Variants in LPAR1 observed in about 807,000 individuals in gnomAD.
LPAR1 encodes lysophosphatidic acid receptor 1, also known as LPA receptor 1.
LPAR1 carries 5 observed loss-of-function variants against 23.8 expected under a neutral mutation model. The ratio of observed to expected loss-of-function variants is 0.21; its 90% CI spans 0.11 to 0.44. The LOEUF is 0.44. Ranked by LOEUF, LPAR1 falls within the 20% of genes least tolerant of loss-of-function variation. The pLI is 0.99. For missense variants in LPAR1, 311 were observed against 482.8 expected, an observed-to-expected ratio of 0.64 and a Z score of 3.33; for synonymous variants, 160 against 164.7, an observed-to-expected ratio of 0.97 and a Z score of 0.22.
chr9:110,985,102 T>A (rs1460801083), intron 2 of LPAR1, among the ~76,000 whole-genome samples: 1 of 152,112 alleles, frequency 6.6e-6, no homozygotes, highest in Admixed American at 6.6e-5. Flanking sequence ...TCAGCTGGGA[T>A]GAAGGAGGCT....
chr9:111,023,310 T>G (rs1333592315), intron 2 of LPAR1, among the ~76,000 whole-genome samples: 2 of 152,122 alleles, frequency 1.3e-5, no homozygotes, highest in African/African-American at 4.8e-5. Flanking sequence ...TCTGTTACTA[T>G]TTCTTCCATG....
chr9:110,930,909 C>G (rs2094371621), intron 5 of LPAR1, among the ~76,000 whole-genome samples: 1 of 152,022 alleles, frequency 6.6e-6, no homozygotes, highest in South Asian at 2.1e-4. Flanking sequence ...GAGCGAAATT[C>G]CGTCACAAAA....
intron 5 of LPAR1, among the ~76,000 whole-genome samples, chr9:110,938,366 G>C (rs981762840): frequency 6.6e-6 from 1 of 152,062 alleles, no homozygotes; most frequent in Non-Finnish European, 1.5e-5. Flanking sequence ...ATCAAAACAG[G>C]ATGTAGCAAA....
At chr9:110,990,805 C>T (rs2096878666) in intron 2 of LPAR1, among the ~76,000 whole-genome samples, 1 of 151,962 alleles carries the variant, frequency 6.6e-6, no homozygotes, top group Non-Finnish European at 1.5e-5. Context: ...AACATCAATA[C>T]AATTGCTAAC....
At chr9:110,959,206 A>G (rs1298961650) in intron 4 of LPAR1, among the ~76,000 whole-genome samples, 1 of 150,490 alleles carries the variant, frequency 6.6e-6, no homozygotes, top group Non-Finnish European at 1.5e-5. Flanking sequence ...CAGACATTCC[A>G]TATGATCTAG....
chr9:110,944,599 A>G (rs2095306245), intron 4 of LPAR1, among the ~76,000 whole-genome samples: 1 of 152,198 alleles, frequency 6.6e-6, no homozygotes, highest in South Asian at 2.1e-4. Flanking sequence ...AACAAAGTTA[A>G]GCAGAGATAT....
At chr9:110,954,985 C>A (rs2095689911) in intron 4 of LPAR1, among the ~76,000 whole-genome samples, 1 of 151,776 alleles carries the variant, frequency 6.6e-6, no homozygotes, top group South Asian at 2.1e-4. Flanking sequence ...CTAAAGAAAA[C>A]CACAAAACCA....
At chr9:110,898,685 C>G (rs2087416824) in intron 5 of LPAR1, among the ~76,000 whole-genome samples, 1 of 152,194 alleles carries the variant, frequency 6.6e-6, no homozygotes, top group Non-Finnish European at 1.5e-5. Flanking sequence ...TGACTAGCAC[C>G]AACTTCTCTA....
chr9:110,947,177 G>C (rs1406742940), intron 4 of LPAR1, among the ~76,000 whole-genome samples: 1 of 152,054 alleles, frequency 6.6e-6, no homozygotes, highest in Admixed American at 6.6e-5. Flanking sequence ...CATATTTATT[G>C]CAAGAAATTT....
intron 5 of LPAR1, among the ~76,000 whole-genome samples, chr9:110,930,080 C>T (rs2094304935): frequency 6.6e-6 from 1 of 152,168 alleles, no homozygotes; most frequent in Admixed American, 6.5e-5. Context: ...GACTGTAAAA[C>T]ACCATAGAAA....
intron 2 of LPAR1, among the ~76,000 whole-genome samples, chr9:111,023,013 T>C (rs923241060): frequency 2.3e-5 from 3 of 131,656 alleles, no homozygotes; most frequent in South Asian, 2.3e-4. Flanking sequence ...ATCGCGCCAC[T>C]GCACTCCAGC....
At chr9:110,907,234 G>A (rs1250966109) in intron 5 of LPAR1, among the ~76,000 whole-genome samples, 2 of 152,104 alleles carry the variant, frequency 1.3e-5, no homozygotes, top group Admixed American at 6.6e-5. Context: ...AATCAAGAGA[G>A]GAACAGAGAG....
chr9:110,892,281 CAGAG>C (rs2084455961), intron 5 of LPAR1, among the ~76,000 whole-genome samples: 1 of 152,100 alleles, frequency 6.6e-6, no homozygotes, highest in African/African-American at 2.4e-5. Flanking sequence ...GAGAGAATGA[CAGAG>C]AGAGAGAATG....
chr9:110,894,981 G>A lies in LPAR1; in HGVS notation c.794-19259C>T, dbSNP rs528847676. On this transcript the variant is annotated intron_variant, in intron 5 of 5. Transcript: ENST00000683809. Reference sequence around the variant, plus strand: ...TGCAGTGAGTTATGATTGCACCACCGCACTCCAGCCTGGATGACAAAGCAA... The same window carrying A: ...TGCAGTGAGTTATGATTGCACCACCACACTCCAGCCTGGATGACAAAGCAA... Among the ~76,000 whole-genome samples, 8 of 152,190 alleles carry A rather than the reference G, an allele frequency of 5.3e-5. No individual in the cohort carries two copies. The South Asian group carries it at 1.2e-3, about 24-fold the overall frequency.
At chr9:110,952,809 C>G (rs968123750) in intron 4 of LPAR1, among the ~76,000 whole-genome samples, 1 of 152,118 alleles carries the variant, frequency 6.6e-6, no homozygotes, top group Non-Finnish European at 1.5e-5. Context: ...ACAGCTAGCA[C>G]CAGCACTTGG....
intron 5 of LPAR1, among the ~76,000 whole-genome samples, chr9:110,931,213 TTTCATC>T (rs1400941295): frequency 2.6e-4 from 40 of 152,224 alleles, no homozygotes; most frequent in Non-Finnish European, 5.0e-4. Flanking sequence ...CCAACATCAA[TTTCATC>T]TTGAAGTCTT....
intron 2 of LPAR1, among the ~76,000 whole-genome samples, chr9:111,017,179 C>T (rs2097466333): frequency 1.3e-5 from 2 of 152,182 alleles, no homozygotes; most frequent in South Asian, 4.1e-4. Context: ...ACATGAATAG[C>T]ACCCTAAGGT....
chr9:110,987,140 A>C (rs1030390153), intron 2 of LPAR1, among the ~76,000 whole-genome samples: 1 of 152,106 alleles, frequency 6.6e-6, no homozygotes, highest in Non-Finnish European at 1.5e-5. Context: ...AAAAATATAA[A>C]GGACAAAGAA....
chr9:110,941,499 T>G lies in LPAR1; in HGVS notation c.715A>C (p.Met239Leu). 3.1e-6 allele frequency: 5 copies of G among 1,614,088 alleles called. No individual in the cohort carries two copies. The highest frequency in any genetic ancestry group is 4.2e-6 in the Non-Finnish European group (5 of 1,179,970). Residue 239 changes from methionine to leucine, a missense_variant, in exon 5 of 6, where the codon ATG becomes CTG. This residue lies in a region of LPAR1 where 250 missense variants were observed against 427.2 expected (regional missense o/e 0.59). Coordinates refer to ENST00000683809, the MANE Select transcript of LPAR1 (RefSeq NM_001351411.2). This position sits in a 1 kb window ranked among gnomAD's most constrained non-coding sequence, Gnocchi z 6.1. ...FGYVRQRTMR[M>L]SRHSSGPRRN... ...CGGGGTCCAGAACTATGCCGAGACA[T>G]TCTCATAGTCCTCTGGCGAACATAG...
Sources: gnomAD v4.1 joint callset for allele counts (sites outside exome capture counted in the v4.1 genomes callset) on GRCh38, gnomAD v4.1.1 for gene constraint, gnomAD v4.1.1 regional missense constraint, Gnocchi (gnomAD v3.1) non-coding constraint, MANE v1.5 for transcripts, NCBI Gene and HGNC (gene_info 2026-07-23, HGNC 2026-07-21) for gene names.